Variants in ZNF518A observed in about 807,000 individuals in gnomAD.
The protein encoded by ZNF518A is zinc finger protein 518.
Under a neutral mutation model 102.7 loss-of-function variants are expected in ZNF518A, and 47 were observed. The ratio of observed to expected loss-of-function variants is 0.46; its 90% CI spans 0.36 to 0.58. The LOEUF (loss-of-function observed/expected upper bound fraction) is 0.58, where lower values mean the gene tolerates loss of function less well. ZNF518A is among the 20% of genes least tolerant of loss of function. The probability of loss-of-function intolerance (pLI) is 0.00; values close to 1 mark genes in which losing one functional copy is unlikely to be tolerated. For missense variants in ZNF518A, 1,793 were observed against 1,699.8 expected (o/e 1.05, Z -0.96); for synonymous variants, 652 against 594.6 (o/e 1.10, Z -1.40).
chr10:96,192,270 T>A (rs1012103030), intron 1 of ZNF518A, among the ~76,000 whole-genome samples: 1 of 152,192 alleles, frequency 6.6e-6, no homozygotes, highest in Admixed American at 6.5e-5. Context: ...GACCTTGGAC[T>A]TTGCTGTATT....
At chr10:96,185,225 G>T (rs1554892454) in intron 1 of ZNF518A, among the ~76,000 whole-genome samples, 1 of 152,156 alleles carries the variant, frequency 6.6e-6, no homozygotes, top group Non-Finnish European at 1.5e-5. Flanking sequence ...AAGGTTTTTA[G>T]CTTCCTTGTG....
rs782483503 is a variant in ZNF518A, at chr10:96,161,495, C to G, written c.*721C>G. On this transcript the variant is annotated 3_prime_UTR_variant, in exon 6 of 6. Transcript: ENST00000316045. Reference sequence around the variant, plus strand: ...GGCAGCTTCAAGAGAAGAATTTAAACTCTTTGTCTCATTGAAAGTTTGGTT... The same window carrying G: ...GGCAGCTTCAAGAGAAGAATTTAAAGTCTTTGTCTCATTGAAAGTTTGGTT... The G allele has an allele frequency of 3.6e-5, 6 of 166,782 alleles. No homozygotes were observed. Among genetic ancestry groups the G allele is most frequent in the Admixed American group, 2.0e-4 (3 of 15,266 alleles). The allele number at this position is 166,782 out of a possible 1,614,324, so 10.3% of individuals were successfully genotyped here. A position where few individuals can be genotyped will look rare whatever the true frequency, so the allele number is the denominator to read the frequency against.
At chr10:96,176,970 T>C (rs1324358796) in intron 1 of ZNF518A, among the ~76,000 whole-genome samples, 1 of 151,778 alleles carries the variant, frequency 6.6e-6, no homozygotes, top group Non-Finnish European at 1.5e-5. Flanking sequence ...CCCAGCTACT[T>C]CAGTGGCTGC....
chr10:96,158,769 C>A lies in ZNF518A; in HGVS notation c.2447C>A (p.Ser816Ter). ...GGCTTGCCACTTCATTGTGACCAGT[C>A]ATTTCAAAAACACGAGAGAGAAGGC... is the stretch of plus-strand genomic sequence containing the variant. The part of the protein sequence containing the change: ...NKGLPLHCDQ[S>*]FQKHEREGKI... The change falls in exon 6 of 6, where the codon TCA (serine) becomes TAA (stop). Residue 816 changes from serine (S) to a stop codon, truncating the protein, a stop_gained. Transcript: ENST00000316045. LOFTEE classifies it high-confidence loss of function. 1 of 1,613,332 alleles carries A rather than the reference C, an allele frequency of 6.2e-7. No individual in the cohort carries two copies. Among genetic ancestry groups the A allele is most frequent in the South Asian group, 1.1e-5 (1 of 90,952 alleles).
chr10:96,151,723 C>G (rs374141680), intron 3 of ZNF518A, among the ~76,000 whole-genome samples: 1 of 152,254 alleles, frequency 6.6e-6, no homozygotes, highest in African/African-American at 2.4e-5. Flanking sequence ...TGTTTTTACT[C>G]CCCTCTCACC....
At chr10:96,182,973 G>T (rs2083249016) in intron 1 of ZNF518A, among the ~76,000 whole-genome samples, 1 of 152,126 alleles carries the variant, frequency 6.6e-6, no homozygotes, top group Non-Finnish European at 1.5e-5. Context: ...TGGTTGGTAG[G>T]CTATTAATTA....
intron 3 of ZNF518A, among the ~76,000 whole-genome samples, chr10:96,149,904 G>C (rs782516188): frequency 2.0e-4 from 31 of 152,052 alleles, no homozygotes; most frequent in Non-Finnish European, 4.1e-4. Flanking sequence ...ATCTAAAATT[G>C]TGCTTTTCCC....
At position 96,158,624 on chromosome 10, in the gene ZNF518A, T is replaced by G. The variant is rs1554884848; in HGVS notation, c.2302T>G (p.Phe768Val). The part of the protein sequence containing the change: ...SPMMPRITSV[F>V]SLQSQQASEF... Reference sequence around the variant, plus strand: ...TATGATGCCTAGAATCACATCTGTTTTCTCTCTCCAGAGCCAACAGGCATC... The same window carrying G: ...TATGATGCCTAGAATCACATCTGTTGTCTCTCTCCAGAGCCAACAGGCATC... The change falls in exon 6 of 6, where the codon TTC becomes GTC. Residue 768 changes from phenylalanine to valine, a missense_variant. Transcript: ENST00000316045. The G allele has an allele frequency of 4.3e-6, 7 of 1,613,344 alleles. No homozygotes were observed. The highest frequency in any genetic ancestry group is 5.9e-6 in the Non-Finnish European group (7 of 1,179,674).
At position 96,155,316 on chromosome 10, in the gene ZNF518A, C is replaced by T. The variant is rs1554881817; in HGVS notation, c.-301-10C>T. The T allele has an allele frequency of 6.6e-6, 1 of 152,120 alleles. No individual in the cohort carries two copies. Among genetic ancestry groups the T allele is most frequent in the Non-Finnish European group, 1.5e-5 (1 of 68,002 alleles). The allele number at this position is 152,120 out of a possible 1,614,324, so 9.4% of individuals were successfully genotyped here. On this transcript the variant is annotated splice_polypyrimidine_tract_variant and intron_variant, in intron 3 of 5. Transcript: ENST00000316045. Reference sequence around the variant, plus strand: ...TAGGGGAAGTACTAATTTTTCCCCCCATTTTACAGATGAAGGAACTGAGAC... The same window carrying T: ...TAGGGGAAGTACTAATTTTTCCCCCTATTTTACAGATGAAGGAACTGAGAC...
At chr10:96,183,937 G>A (rs1474107639) in intron 1 of ZNF518A, among the ~76,000 whole-genome samples, 1 of 152,082 alleles carries the variant, frequency 6.6e-6, no homozygotes, top group Non-Finnish European at 1.5e-5. Context: ...CATTATTATT[G>A]TTGGGTATCT....
At chr10:96,155,103 TAATA>T (rs1192809696) in intron 3 of ZNF518A, among the ~76,000 whole-genome samples, 1 of 152,196 alleles carries the variant, frequency 6.6e-6, no homozygotes, top group African/African-American at 2.4e-5. Flanking sequence ...ATTTTTCTAA[TAATA>T]CAGTTTGATA....
At chr10:96,181,914 A>G (rs1476030557) in intron 1 of ZNF518A, among the ~76,000 whole-genome samples, 1 of 152,212 alleles carries the variant, frequency 6.6e-6, no homozygotes, top group Non-Finnish European at 1.5e-5. Flanking sequence ...TTGAATCTAT[A>G]AATTACCTTG....
chr10:96,148,468 A>C (rs587614574), intron 3 of ZNF518A, among the ~76,000 whole-genome samples: 8 of 152,314 alleles, frequency 5.3e-5, no homozygotes, highest in African/African-American at 1.9e-4. Flanking sequence ...GTCTTAGTAC[A>C]TAGTCTCAGT....
chr10:96,194,462 A>G (rs1488226005), intron 1 of ZNF518A, among the ~76,000 whole-genome samples: 3 of 152,208 alleles, frequency 2.0e-5, no homozygotes, highest in Admixed American at 6.5e-5. Flanking sequence ...TGGATATGAC[A>G]TTAAAAGCAT....
downstream of ZNF518A, among the ~76,000 whole-genome samples, chr10:96,164,235 T>C (rs1193778365): frequency 2.0e-5 from 3 of 152,234 alleles, no homozygotes; most frequent in Non-Finnish European, 4.4e-5. Flanking sequence ...CAGCTTATCT[T>C]GATTTTTTAA....
At position 96,175,871 on chromosome 10, in the gene ZNF518A, C is replaced by CTCCA. The variant is rs1325153186; in HGVS notation, n.35+19827_35+19828insATCC. ...TTACAAGTATTCCCTCCCTGCCTCC[C>CTCCA]TCCCTCCCTTCCTTCCTTCCTTCCT... On this transcript the variant is annotated intron_variant and non_coding_transcript_variant, in intron 1 of 2. Transcript: ENST00000442635. 5.8e-4 allele frequency among the ~76,000 whole-genome samples: 33 copies of CTCCA among 57,080 alleles called. 2 individuals carry two copies. In the South Asian group the frequency reaches 7.4e-3, roughly 13 times the overall value. 37.4% of individuals were successfully genotyped at this position (57,080 alleles called of 152,430 possible).
chr10:96,188,932 C>T (rs1422173525), intron 1 of ZNF518A, among the ~76,000 whole-genome samples: 1 of 152,162 alleles, frequency 6.6e-6, no homozygotes, highest in African/African-American at 2.4e-5. Flanking sequence ...CTTGCCTCTT[C>T]CTAGCTTCTG....
intron 1 of ZNF518A, among the ~76,000 whole-genome samples, chr10:96,186,025 A>T (rs1443862373): frequency 1.3e-5 from 2 of 152,242 alleles, no homozygotes; most frequent in African/African-American, 4.8e-5. Context: ...GGACCTGCTG[A>T]GCCAGGCGCC....
chr10:96,201,964 G>T (rs7099008), intron 1 of ZNF518A, among the ~76,000 whole-genome samples: 144,584 of 152,152 alleles, frequency 0.95, 69,103 homozygotes, highest in East Asian at 1. Flanking sequence ...GGAAGAATAT[G>T]TGGGTGAGAT....
Sources: allele counts gnomAD v4.1 joint callset (sites outside exome capture counted in the v4.1 genomes callset), GRCh38; gene constraint gnomAD v4.1.1; transcripts MANE v1.5; gene names NCBI Gene and HGNC (gene_info 2026-07-23, HGNC 2026-07-21).